Variants in LRRC45 observed in about 807,000 individuals in gnomAD.
The protein encoded by LRRC45 is leucine rich repeat containing 45.
In LRRC45, 73 loss-of-function variants were observed where a neutral mutation model predicts 85.4. The ratio of observed to expected loss-of-function variants is 0.85; its 90% CI spans 0.71 to 1.04. The LOEUF is 1.04. LRRC45 is among the 50% of genes least tolerant of loss of function. The probability of loss-of-function intolerance (pLI) is 0.00; values close to 1 mark genes in which losing one functional copy is unlikely to be tolerated. For missense variants in LRRC45, 937 were observed against 883.3 expected (o/e 1.06, Z -0.77); for synonymous variants, 429 against 386.0 (o/e 1.11, Z -1.31).
chr17:82,026,766 G>A (rs2043371512), intron 5 of LRRC45, 133 bp from the exon 6 acceptor site: 1 of 627,814 alleles, frequency 1.6e-6, no homozygotes, highest in South Asian at 1.6e-5. Flanking sequence ...TTTTAGTACA[G>A]ATGGGGTTTC....
chr17:82,029,366 C>G, intron 13 of LRRC45, 177 bp from the exon 14 acceptor site: 1 of 901,430 alleles, frequency 1.1e-6, no homozygotes, highest in Non-Finnish European at 1.7e-6. Context: ...AGGTGGCATT[C>G]GGACTTCCTT....
In LRRC45 at chr17:82,030,989, C is replaced by A; in HGVS notation, c.*184C>A. ...CCCCGTGGGAGGCGCCTGGGAAGGG[C>A]TCCCTACCGGCCCCTTCTTCCCGGT... On this transcript the variant is annotated 3_prime_UTR_variant, in exon 17 of 17. Coordinates refer to ENST00000306688, the MANE Select transcript of LRRC45 (RefSeq NM_144999.4). The A allele has an allele frequency of 2.4e-6, 1 of 420,520 alleles. No individual in the cohort carries two copies. The highest frequency in any genetic ancestry group is 4.1e-6 in the Non-Finnish European group (1 of 246,730). 26.0% of individuals were successfully genotyped at this position (420,520 alleles called of 1,614,324 possible).
chr17:82,030,455 G>T lies in LRRC45; in HGVS notation c.1805G>T (p.Arg602Leu), dbSNP rs753238552. The T allele has an allele frequency of 1.3e-6, 2 of 1,545,072 alleles. No individual in the cohort carries two copies. Among genetic ancestry groups the T allele is most frequent in the Non-Finnish European group, 1.7e-6 (2 of 1,147,012 alleles). Residue 602 changes from arginine (R) to leucine (L), a missense_variant, in exon 16 of 17, where the codon CGC becomes CTC. Coordinates refer to ENST00000306688, the MANE Select transcript of LRRC45 (RefSeq NM_144999.4). Reference protein sequence around the residue: ...ALREKAAALERQLKVMASDHR... With the variant: ...ALREKAAALELQLKVMASDHR... ...AGGGAGAAGGCGGCGGCCCTGGAGC[G>T]CCAGCTGAAAGGTGAGCCAGACCCT...
chr17:82,024,971 G>C, intron 3 of LRRC45, 29 bp from the exon 4 acceptor site: 1 of 1,527,260 alleles, frequency 6.5e-7, no homozygotes, highest in Non-Finnish European at 8.8e-7. Context: ...AGTCCCCTAG[G>C]TGAACACTGG....
chr17:82,023,506 G>T lies in LRRC45; in HGVS notation c.-138G>T, dbSNP rs961520863. ...GCTCCCAGGACCTCCCGCCCGCGGA[G>T]CCCACTCGGATTGCTCTCCGCCCGG... On this transcript the variant is annotated 5_prime_UTR_variant, in exon 1 of 17. Transcript: ENST00000306688. The T allele has an allele frequency of 8.1e-6, 6 of 744,990 alleles. No homozygotes were observed. Among genetic ancestry groups the T allele is most frequent in the Admixed American group, 3.1e-5 (1 of 32,402 alleles). The allele number at this position is 744,990 out of a possible 1,614,324, so 46.1% of individuals were successfully genotyped here. A position where few individuals can be genotyped will look rare whatever the true frequency, so the allele number is the denominator to read the frequency against.
In LRRC45 at chr17:82,025,113, T is replaced by G; in HGVS notation, c.467T>G (p.Ile156Ser). ...CGGCTGGACCTCCGCAACAACCAGA[T>G]CAGTCACAAGGGCGCGGAGGAGCTG... ...LQRLDLRNNQ[I>S]SHKGAEELAL... The change falls in exon 4 of 17, where the codon ATC (isoleucine) becomes AGC (serine). Residue 156 changes from isoleucine (I) to serine (S), a missense_variant. Ile to Ser is a moderately radical substitution (Grantham distance 142). Coordinates refer to ENST00000306688, the MANE Select transcript of LRRC45 (RefSeq NM_144999.4). 1 of 1,611,418 alleles carries G rather than the reference T, an allele frequency of 6.2e-7. No homozygotes were observed. The highest frequency in any genetic ancestry group is 1.3e-5 in the African/African-American group (1 of 75,030).
intron 1 of LRRC45, 124 bp downstream of exon 1, chr17:82,023,987 G>C (rs937649544): frequency 4.2e-6 from 4 of 961,432 alleles, no homozygotes; most frequent in Non-Finnish European, 4.6e-6. Context: ...GCGAGCAGGG[G>C]CGCCCCTTCC....
chr17:82,026,693 C>T (rs2043370941), intron 5 of LRRC45: 1 of 413,746 alleles, frequency 2.4e-6, no homozygotes, highest in Non-Finnish European at 4.6e-6. Flanking sequence ...ATTTTCCTGC[C>T]TCAGCCTCCC....
chr17:82,025,412 G>T lies in LRRC45; in HGVS notation c.566G>T (p.Gly189Val), dbSNP rs1325479831. 1 of 1,600,830 alleles carries T rather than the reference G, an allele frequency of 6.2e-7. No homozygotes were observed. Among genetic ancestry groups the T allele is most frequent in the Non-Finnish European group, 8.5e-7 (1 of 1,173,146 alleles). The change falls in exon 5 of 17, where the codon GGC becomes GTC. Residue 189 changes from glycine to valine, a missense_variant. Coordinates refer to ENST00000306688, the MANE Select transcript of LRRC45 (RefSeq NM_144999.4). ...LRWNNVGLLG[G>V]RALMNCLPSN... is the part of the protein sequence containing the mutation. The stretch of plus-strand genomic sequence containing the variant: ...TGGAATAACGTTGGCCTCCTGGGGG[G>T]CCGGGCCCTCATGAACTGTCTCCCC...
chr17:82,030,948 C>T lies in LRRC45; in HGVS notation c.*143C>T. The T allele has an allele frequency of 3.3e-6, 2 of 608,968 alleles. No homozygotes were observed. Among genetic ancestry groups the T allele is most frequent in the Non-Finnish European group, 4.8e-6 (2 of 415,296 alleles). The allele number at this position is 608,968 out of a possible 1,614,324, so 37.7% of individuals were successfully genotyped here. On this transcript the variant is annotated 3_prime_UTR_variant, in exon 17 of 17. Transcript: ENST00000306688. ...CGGTTGCGGCGACTGTTGGTGGTGT[C>T]GCGGCTGCGGGGGAACCCCGTGGGA...
intron 14 of LRRC45, 97 bp from the exon 15 acceptor site, chr17:82,029,968 A>C: frequency 7.2e-7 from 1 of 1,380,270 alleles, no homozygotes; most frequent in Non-Finnish European, 9.6e-7. Context: ...TAGAGCAGCC[A>C]GTCCTGCAGA....
Position 82,025,480 on chromosome 17 carries a change from A to G in LRRC45, c.634A>G (p.Ile212Val), listed in dbSNP as rs888193199. Residue 212 changes from isoleucine to valine, a missense_variant, in exon 5 of 17, where the codon ATC (isoleucine) becomes GTC (valine). Ile to Val is a conservative substitution (Grantham distance 29). Transcript: ENST00000306688. ...LWRLDLAGNN[I>V]PGDVLRAVEQ... ...GAGACTGGACCTGGCTGGGAACAAC[A>G]TCCCTGGAGACGTCCTCAGAGCCGT... 2 of 1,608,324 alleles carry G rather than the reference A, an allele frequency of 1.2e-6. No individual in the cohort carries two copies. The highest frequency in any genetic ancestry group is 1.3e-5 in the African/African-American group (1 of 74,854).
Position 82,030,239 on chromosome 17 carries a change from G to T in LRRC45, c.1668+1G>T, listed in dbSNP as rs1223201050. On this transcript the variant is annotated splice_donor_variant, in intron 15 of 16. Coordinates refer to ENST00000306688, the MANE Select transcript of LRRC45 (RefSeq NM_144999.4). LOFTEE classifies it high-confidence loss of function. ...GCGGCGCCTGGAAGAGCTGCAGCAG[G>T]TAGGCGGGGCTCCGGTGGGGGGCCC... is the stretch of plus-strand genomic sequence containing the variant. 2.0e-6 allele frequency: 3 copies of T among 1,534,488 alleles called. No individual in the cohort carries two copies. Among genetic ancestry groups the T allele is most frequent in the Non-Finnish European group, 1.8e-6 (2 of 1,136,430 alleles).
chr17:82,026,154 C>T (rs2043366185), intron 5 of LRRC45, among the ~76,000 whole-genome samples: 1 of 152,242 alleles, frequency 6.6e-6, no homozygotes, highest in South Asian at 2.1e-4. Flanking sequence ...TTCGCCTCGG[C>T]ACTGCCCTGG....
At chr17:82,024,003 C>A in intron 1 of LRRC45, 140 bp downstream of exon 1, 1 of 815,158 alleles carries the variant, frequency 1.2e-6, no homozygotes, top group Non-Finnish European at 1.9e-6. Context: ...CTTCCTGCAC[C>A]TGGGAGTAGA....
chr17:82,029,138 C>T lies in LRRC45; in HGVS notation c.1354C>T (p.Gln452Ter). 6.2e-7 allele frequency: 1 copy of T among 1,612,600 alleles called. No homozygotes were observed. The highest frequency in any genetic ancestry group is 8.5e-7 in the Non-Finnish European group (1 of 1,179,904). Residue 452 changes from glutamine (Q) to a stop codon, truncating the protein, a stop_gained, in exon 13 of 17, where the codon CAG becomes TAG. Coordinates refer to ENST00000306688, the MANE Select transcript of LRRC45 (RefSeq NM_144999.4). LOFTEE classifies it high-confidence loss of function. ...CCTGGAGGAGAGTGAGAAGGCCATGCAGGAGCGGGTGCAGAGGCTGGAGGC... is the reference window on the plus strand; with the variant it reads ...CCTGGAGGAGAGTGAGAAGGCCATGTAGGAGCGGGTGCAGAGGCTGGAGGC... The part of the protein sequence containing the change: ...RHLEESEKAM[Q>*]ERVQRLEAAR...
rs763807120 is a variant in LRRC45, at chr17:82,031,011, C to T, written c.*206C>T. 1 of 400,654 alleles carries T rather than the reference C, an allele frequency of 2.5e-6. No individual in the cohort carries two copies. Among genetic ancestry groups the T allele is most frequent in the Non-Finnish European group, 4.4e-6 (1 of 229,226 alleles). The allele number at this position is 400,654 out of a possible 1,614,324, so 24.8% of individuals were successfully genotyped here. On this transcript the variant is annotated 3_prime_UTR_variant, in exon 17 of 17. Coordinates refer to ENST00000306688, the MANE Select transcript of LRRC45 (RefSeq NM_144999.4). ...GGGCTCCCTACCGGCCCCTTCTTCC[C>T]GGTCGACGCCACGTGGGAGCACACC...
rs1314603999 is a variant in LRRC45 at position 82,025,036 on chromosome 17, C to T, written c.390C>T (p.Asp130=). ...AGTGGAACAGCCTGGGCACGTGGGA[C>T]GATGCCTTCGCCACCTTCTGCGGGG... ...TLEWNSLGTW[D]DAFATFCGGL... The change falls in exon 4 of 17, where the codon GAC becomes GAT. Residue 130 remains aspartate (D), a synonymous_variant. Coordinates refer to ENST00000306688, the MANE Select transcript of LRRC45 (RefSeq NM_144999.4). 3.7e-6 allele frequency: 6 copies of T among 1,603,008 alleles called. No homozygotes were observed. The highest frequency in any genetic ancestry group is 1.3e-5 in the African/African-American group (1 of 74,744).
intron 16 of LRRC45, 59 bp downstream of exon 16, chr17:82,030,525 G>C (rs2043409615): frequency 6.6e-7 from 1 of 1,518,270 alleles, no homozygotes; most frequent in Non-Finnish European, 8.8e-7. Flanking sequence ...CAGCCAGAGA[G>C]CGGGGCTGGC....
Sources: gnomAD v4.1 joint callset for allele counts (sites outside exome capture counted in the v4.1 genomes callset) on GRCh38, gnomAD v4.1.1 for gene constraint, MANE v1.5 for transcripts, NCBI Gene and HGNC (gene_info 2026-07-23, HGNC 2026-07-21) for gene names.